GRM7: variants seen among roughly 807,000 people sequenced by gnomAD.
GRM7 encodes the protein metabotropic glutamate receptor 7.
In GRM7, 35 loss-of-function variants were observed where a neutral mutation model predicts 84.5. The ratio of observed to expected loss-of-function variants is 0.41; its 90% CI spans 0.32 to 0.55. GRM7 has a LOEUF of 0.55. Among genes scored for constraint, GRM7 ranks in the 20% least tolerant of loss-of-function variants. GRM7 has a pLI of 0.19. For synonymous variants in GRM7, 487 were observed against 455.1 expected, an observed-to-expected ratio of 1.07 and a Z score of -0.89; for missense variants, 1,003 against 1,194.6, an observed-to-expected ratio of 0.84 and a Z score of 2.36.
chr3:7,610,811 TAGTC>T (rs1048513836), intron 8 of GRM7, among the ~76,000 whole-genome samples: 4 of 152,196 alleles, frequency 2.6e-5, no homozygotes, highest in Admixed American at 2.6e-4. Context: ...GGTTTTCCCG[TAGTC>T]ATCACACTAT....
At chr3:7,206,012 C>G (rs999619069) in intron 2 of GRM7, among the ~76,000 whole-genome samples, 2 of 152,060 alleles carry the variant, frequency 1.3e-5, no homozygotes, top group Non-Finnish European at 2.9e-5. Context: ...ATACTCTGGT[C>G]GTAACTCAAA....
chr3:6,970,139 C>A (rs1693687418), intron 1 of GRM7, among the ~76,000 whole-genome samples: 1 of 152,166 alleles, frequency 6.6e-6, no homozygotes, highest in South Asian at 2.1e-4. Context: ...CTCTGATTAA[C>A]CTGGTTCCCA....
chr3:7,132,532 T>A (rs1335291319), intron 1 of GRM7, among the ~76,000 whole-genome samples: 2 of 152,176 alleles, frequency 1.3e-5, no homozygotes, highest in Admixed American at 1.3e-4. Flanking sequence ...TAAATCTTTT[T>A]TTGGTAGTAG....
At chr3:7,276,529 A>T (rs1464141021) in intron 2 of GRM7, among the ~76,000 whole-genome samples, 1 of 151,944 alleles carries the variant, frequency 6.6e-6, no homozygotes, top group Non-Finnish European at 1.5e-5. Context: ...TTAGTACTAT[A>T]GCATGCTTCA....
chr3:7,644,120 TTGTG>T (rs148514728), intron 8 of GRM7, among the ~76,000 whole-genome samples: 6 of 119,956 alleles, frequency 5.0e-5, no homozygotes, highest in South Asian at 2.6e-4. Context: ...ACTGTGCATG[TTGTG>T]TGTGTGTGTG....
intron 2 of GRM7, among the ~76,000 whole-genome samples, chr3:7,197,559 C>G (rs1695918572): frequency 6.6e-6 from 1 of 152,076 alleles, no homozygotes; most frequent in Non-Finnish European, 1.5e-5. Context: ...ATAATGTAGT[C>G]CATTCATATA....
chr3:7,724,599 T>A (rs1702060246), intron 9 of GRM7, among the ~76,000 whole-genome samples: 1 of 152,160 alleles, frequency 6.6e-6, no homozygotes. Flanking sequence ...CCACTTTGCA[T>A]CTATCTCAAA....
chr3:7,208,443 C>G (rs1037648874), intron 2 of GRM7, among the ~76,000 whole-genome samples: 1 of 152,236 alleles, frequency 6.6e-6, no homozygotes, highest in Admixed American at 6.5e-5. Flanking sequence ...TTTCGCTTCT[C>G]TCAGCCTTGG....
intron 2 of GRM7, among the ~76,000 whole-genome samples, chr3:7,179,488 G>A (rs552877741): frequency 6.6e-6 from 1 of 152,216 alleles, no homozygotes; most frequent in African/African-American, 2.4e-5. Context: ...ATCAACCACT[G>A]GTTTGCTTTT....
Position 7,544,903 on chromosome 3 carries a change from C to T in GRM7, c.1516-33519C>T, listed in dbSNP as rs187480244. Among the ~76,000 whole-genome samples, 387 of 152,276 alleles carry T rather than the reference C, an allele frequency of 2.5e-3. 7 individuals carry two copies. The highest frequency in any genetic ancestry group is 1.6e-3 in the Non-Finnish European group (108 of 68,020). ...TTGTAAGTTCTAAAAATTTTCGAAC[C>T]TCTAAAATCAATTTTTGCCCCCTTA... On this transcript the variant is annotated intron_variant, in intron 7 of 9. Coordinates refer to ENST00000357716, the MANE Select transcript of GRM7 (RefSeq NM_000844.4).
intron 1 of GRM7, among the ~76,000 whole-genome samples, chr3:7,137,010 G>A (rs948271660): frequency 6.6e-6 from 1 of 152,034 alleles, no homozygotes; most frequent in Non-Finnish European, 1.5e-5. Flanking sequence ...AGAGGTTAGG[G>A]CAGAGCCTTG....
rs1693022631 is a variant in GRM7, at chr3:7,116,111, A to G, written c.520-30341A>G. On this transcript the variant is annotated intron_variant, in intron 1 of 9. Transcript: ENST00000357716. Reference sequence around the variant, plus strand: ...CATTATCAGCATATTTCAGGGGTGCATACCTGTTGTGTTGGACGGAAATAC... The same window carrying G: ...CATTATCAGCATATTTCAGGGGTGCGTACCTGTTGTGTTGGACGGAAATAC... Among the ~76,000 whole-genome samples the G allele has an allele frequency of 2.6e-5, 4 of 152,126 alleles. No homozygotes were observed. The South Asian group carries it at 8.3e-4, about 32-fold the overall frequency.
intron 8 of GRM7, among the ~76,000 whole-genome samples, chr3:7,615,914 C>T (rs1003706052): frequency 1.2e-4 from 18 of 151,662 alleles, no homozygotes; most frequent in African/African-American, 4.8e-5. Context: ...AAGCATATAA[C>T]GTATTTATAT....
At chr3:6,952,640 G>T (rs919023192) in intron 1 of GRM7, among the ~76,000 whole-genome samples, 3 of 152,114 alleles carry the variant, frequency 2.0e-5, no homozygotes, top group Admixed American at 6.5e-5. Context: ...CCATCTCTCA[G>T]GGGAAAACTG....
rs146184901 is a variant in GRM7, at chr3:7,351,658, G to A, written c.1033+45006G>A. Among the ~76,000 whole-genome samples, 538 of 152,202 alleles carry A rather than the reference G, an allele frequency of 3.5e-3. 1 individual carries two copies. The highest frequency in any genetic ancestry group is 0.013 in the African/African-American group (525 of 41,546). ...GGCTAGAACAAAGCAGGCAGAAGAA[G>A]TGGGGCATTCAGCTTGCTTGGCTTT... is the stretch of plus-strand genomic sequence containing the variant. On this transcript the variant is annotated intron_variant, in intron 4 of 9. Coordinates refer to ENST00000357716, the MANE Select transcript of GRM7 (RefSeq NM_000844.4).
At chr3:7,054,281 A>G (rs1697129187) in intron 1 of GRM7, among the ~76,000 whole-genome samples, 1 of 149,436 alleles carries the variant, frequency 6.7e-6, no homozygotes, top group Non-Finnish European at 1.5e-5. Flanking sequence ...ATATACATAT[A>G]TCATAAAAGA....
intron 1 of GRM7, among the ~76,000 whole-genome samples, chr3:6,945,397 A>AT (rs1698033462): frequency 6.6e-6 from 1 of 151,946 alleles, no homozygotes. Flanking sequence ...CGAACTCATC[A>AT]TTTTTTATGG....
intron 4 of GRM7, among the ~76,000 whole-genome samples, chr3:7,321,878 G>A (rs988787149): frequency 2.0e-5 from 3 of 151,872 alleles, no homozygotes; most frequent in South Asian, 2.1e-4. Flanking sequence ...TTCAACTATC[G>A]ACATCATTCA....
intron 7 of GRM7, among the ~76,000 whole-genome samples, chr3:7,543,765 C>A (rs143428092): frequency 2.6e-5 from 4 of 152,214 alleles, no homozygotes; most frequent in African/African-American, 9.6e-5. Flanking sequence ...ACATGAAAAC[C>A]TGTAGCCATG....
Sources: gnomAD v4.1 joint callset for allele counts (sites outside exome capture counted in the v4.1 genomes callset) on GRCh38, gnomAD v4.1.1 for gene constraint, MANE v1.5 for transcripts, NCBI Gene and HGNC (gene_info 2026-07-23, HGNC 2026-07-21) for gene names.